FCRL4: variants seen among roughly 807,000 people sequenced by gnomAD.
FCRL4 encodes Fc receptor like 4.
A neutral mutation model predicts 64.1 loss-of-function variants in FCRL4; 43 were observed. The observed-to-expected ratio is 0.67, with a 90% confidence interval of 0.53 to 0.87. The LOEUF (loss-of-function observed/expected upper bound fraction) is 0.87, where lower values mean the gene tolerates loss of function less well. FCRL4 is among the 40% of genes least tolerant of loss of function. The pLI is 0.00. For synonymous variants in FCRL4, 253 were observed against 239.8 expected, an observed-to-expected ratio of 1.05 and a Z score of -0.51; for missense variants, 656 against 613.5, an observed-to-expected ratio of 1.07 and a Z score of -0.73.
chr1:157,577,747 T>C (rs925820518), intron 10 of FCRL4, among the ~76,000 whole-genome samples: 5 of 152,212 alleles, frequency 3.3e-5, no homozygotes, highest in African/African-American at 1.2e-4. Flanking sequence ...GGCTGAATAC[T>C]GATAGGCATA....
intron 10 of FCRL4, among the ~76,000 whole-genome samples, chr1:157,576,854 T>C (rs546989704): frequency 1.3e-5 from 2 of 152,234 alleles, no homozygotes; most frequent in African/African-American, 2.4e-5. Flanking sequence ...GACAGAAGAC[T>C]TGGTCTTAGC....
chr1:157,592,739 T>C (rs1652865195), intron 2 of FCRL4, among the ~76,000 whole-genome samples: 1 of 152,344 alleles, frequency 6.6e-6, no homozygotes, highest in Non-Finnish European at 1.5e-5. Flanking sequence ...TTACTGGGTA[T>C]ATACCCAAAG....
chr1:157,597,115 T>A (rs1440713057), intron 1 of FCRL4, among the ~76,000 whole-genome samples: 1 of 152,166 alleles, frequency 6.6e-6, no homozygotes. Context: ...GAGGTTCTAT[T>A]GAGAATGTCA....
chr1:157,578,342 A>G lies in FCRL4; in HGVS notation c.1429+132T>C. Reference sequence around the variant, plus strand: ...AGAATCTAAGCTCTCCACTGCAGGGATTTTTGTCTGCCTTGTTTACTGATT... The same window carrying G: ...AGAATCTAAGCTCTCCACTGCAGGGGTTTTTGTCTGCCTTGTTTACTGATT... On this transcript the variant is annotated intron_variant, in intron 10 of 11. Transcript: ENST00000271532. 4 of 723,524 alleles carry G rather than the reference A, an allele frequency of 5.5e-6. 1 individual carries two copies. Among genetic ancestry groups the G allele is most frequent in the Non-Finnish European group, 9.5e-6 (4 of 419,364 alleles). 44.8% of individuals were successfully genotyped at this position (723,524 alleles called of 1,614,324 possible).
At chr1:157,594,075 A>C (rs1322929479) in intron 2 of FCRL4, among the ~76,000 whole-genome samples, 1 of 152,234 alleles carries the variant, frequency 6.6e-6, no homozygotes, top group African/African-American at 2.4e-5. Flanking sequence ...AAATCACTAA[A>C]GAGTATGGCA....
In FCRL4 at chr1:157,588,130, C is replaced by T. The variant is rs1427517609; in HGVS notation, c.308-11G>A. On this transcript the variant is annotated splice_polypyrimidine_tract_variant and intron_variant, in intron 3 of 11. Transcript: ENST00000271532. ...GCAGGATTAAGGAGTCTGGAAAAGA[C>T]ACAGAGAGGAGATCGTCATTCAAAG... is the stretch of plus-strand genomic sequence containing the variant. 1 of 1,590,306 alleles carries T rather than the reference C, an allele frequency of 6.3e-7. No individual in the cohort carries two copies. Among genetic ancestry groups the T allele is most frequent in the Non-Finnish European group, 8.6e-7 (1 of 1,168,866 alleles).
intron 4 of FCRL4, 73 bp from the exon 5 acceptor site, chr1:157,587,633 T>G: frequency 6.7e-7 from 1 of 1,498,972 alleles, no homozygotes; most frequent in Non-Finnish European, 9.1e-7. Flanking sequence ...GTTTGGATGC[T>G]CAGTCCCAGG....
Position 157,597,896 on chromosome 1 carries a change from C to A in FCRL4, c.31+18G>T. The A allele has an allele frequency of 6.2e-7, 1 of 1,611,084 alleles. No homozygotes were observed. The highest frequency in any genetic ancestry group is 1.1e-5 in the South Asian group (1 of 90,702). On this transcript the variant is annotated intron_variant, in intron 1 of 11. Transcript: ENST00000271532. Reference sequence around the variant, plus strand: ...GCTCAGCTTTGCAGCAAGCAAAGGTCTCCTCCCCATCACTTACCAAAGGCC... The same window carrying A: ...GCTCAGCTTTGCAGCAAGCAAAGGTATCCTCCCCATCACTTACCAAAGGCC...
intron 1 of FCRL4, among the ~76,000 whole-genome samples, chr1:157,597,350 A>G (rs915435147): frequency 6.6e-6 from 1 of 152,232 alleles, no homozygotes; most frequent in African/African-American, 2.4e-5. Context: ...TTAATTCCCT[A>G]GTTTGAGCAA....
rs1295020495 is a variant in FCRL4, at chr1:157,574,754, G to A, written c.*770C>T. The A allele has an allele frequency of 9.5e-6, 2 of 210,328 alleles. No homozygotes were observed. The highest frequency in any genetic ancestry group is 1.9e-5 in the Non-Finnish European group (2 of 103,788). The allele number at this position is 210,328 out of a possible 1,614,324, so 13.0% of individuals were successfully genotyped here. On this transcript the variant is annotated 3_prime_UTR_variant, in exon 12 of 12. Transcript: ENST00000271532. ...TTTTTAAAGGCAGAGTTTATTATGA[G>A]TTTATACTAATATTTTAAGTTCAAA...
chr1:157,586,505 G>C, intron 5 of FCRL4, 50 bp from the exon 6 acceptor site: 1 of 1,539,420 alleles, frequency 6.5e-7, no homozygotes, highest in Non-Finnish European at 8.7e-7. Flanking sequence ...AGGAGGGCAG[G>C]GCTAGGTAGC....
At chr1:157,593,522 C>G (rs909749445) in intron 2 of FCRL4, among the ~76,000 whole-genome samples, 1 of 152,146 alleles carries the variant, frequency 6.6e-6, no homozygotes, top group Non-Finnish European at 1.5e-5. Context: ...GTCAGGCCCT[C>G]TTACTTGAGG....
In FCRL4 at chr1:157,586,369, C is replaced by T. The variant is rs142198646; in HGVS notation, c.934G>A (p.Val312Met). The T allele has an allele frequency of 3.8e-4, 612 of 1,613,540 alleles. 1 individual carries two copies. Among genetic ancestry groups the T allele is most frequent in the South Asian group, 4.7e-4 (43 of 91,062 alleles). ...EGEMLVLVCS[V>M]AEGTGDTTFS... ...GTGGTATCCCCTGTGCCTTCAGCCA[C>T]GGAGCAGACAAGGACCAGCATCTCC... The change falls in exon 6 of 12, where the codon GTG (valine) becomes ATG (methionine). Residue 312 changes from valine to methionine, a missense_variant. Coordinates refer to ENST00000271532, the MANE Select transcript of FCRL4 (RefSeq NM_031282.3).
chr1:157,596,431 T>G, intron 1 of FCRL4, 83 bp from the exon 2 acceptor site: 1 of 1,457,390 alleles, frequency 6.9e-7, no homozygotes. Flanking sequence ...ACTCATATGC[T>G]ACTTCCAACC....
intron 2 of FCRL4, among the ~76,000 whole-genome samples, chr1:157,591,139 T>A (rs1212151052): frequency 6.6e-6 from 1 of 152,168 alleles, no homozygotes; most frequent in Non-Finnish European, 1.5e-5. Flanking sequence ...ATTTGGAAGA[T>A]GAATGCGCCT....
Position 157,587,302 on chromosome 1 carries a change from C to A in FCRL4, c.821G>T (p.Ser274Ile), listed in dbSNP as rs1401989708. ...CTGCACATGGATCTGTAGCGAGGGA[C>A]TGTGCTTGTGGATGTTACCCCTCAC... ...ETVRGNIHKH[S>I]PSLQIHVQRI... Residue 274 changes from serine to isoleucine, a missense_variant, in exon 5 of 12, where the codon AGT (serine) becomes ATT (isoleucine). Coordinates refer to ENST00000271532, the MANE Select transcript of FCRL4 (RefSeq NM_031282.3). 1 of 1,614,110 alleles carries A rather than the reference C, an allele frequency of 6.2e-7. No homozygotes were observed. Among genetic ancestry groups the A allele is most frequent in the Non-Finnish European group, 8.5e-7 (1 of 1,180,048 alleles).
At chr1:157,582,225 T>G (rs1375778306) in intron 6 of FCRL4, among the ~76,000 whole-genome samples, 1 of 152,136 alleles carries the variant, frequency 6.6e-6, no homozygotes, top group Non-Finnish European at 1.5e-5. Flanking sequence ...TTCCATGGGG[T>G]CCGTTCTCCT....
chr1:157,596,459 G>T, intron 1 of FCRL4, 111 bp from the exon 2 acceptor site: 2 of 1,195,846 alleles, frequency 1.7e-6, no homozygotes, highest in Non-Finnish European at 1.2e-6. Context: ...AGAGAAACAC[G>T]TTCCATTCCA....
At chr1:157,596,193 G>A in intron 2 of FCRL4, 135 bp downstream of exon 2, 1 of 966,660 alleles carries the variant, frequency 1.0e-6, no homozygotes, top group Non-Finnish European at 1.6e-6. Context: ...CACCACACGA[G>A]CTGATGTCTC....
Sources: allele counts gnomAD v4.1 joint callset (sites outside exome capture counted in the v4.1 genomes callset), GRCh38; gene constraint gnomAD v4.1.1; transcripts MANE v1.5; gene names NCBI Gene and HGNC (gene_info 2026-07-23, HGNC 2026-07-21).